The following LPP variants were observed in gnomAD, a reference collection of about 807,000 sequenced individuals.
LPP encodes the protein LIM domain containing preferred translocation partner in lipoma.
In LPP, 38 loss-of-function variants were observed where a neutral mutation model predicts 60.4. The ratio of observed to expected loss-of-function variants is 0.63; its 90% confidence interval spans 0.49 to 0.83. The LOEUF is 0.83. Among genes scored for constraint, LPP ranks in the 40% least tolerant of loss-of-function variants. LPP has a pLI of 0.00. For synonymous variants in LPP, 328 were observed against 290.8 expected (o/e 1.13, Z -1.30); for missense variants, 902 against 783.6 (o/e 1.15, Z -1.80).
At chr3:188,793,444 A>G (rs556733340) in intron 9 of LPP, among the ~76,000 whole-genome samples, 22 of 151,980 alleles carry the variant, frequency 1.4e-4, no homozygotes, top group Non-Finnish European at 2.6e-4. Context: ...AGCCTCCCAA[A>G]CTGCTGGGAT....
intron 1 of LPP, among the ~76,000 whole-genome samples, chr3:188,211,951 C>T (rs1285648932): frequency 1.3e-5 from 2 of 152,088 alleles, no homozygotes; most frequent in Non-Finnish European, 2.9e-5. Flanking sequence ...CTCCGCCTCC[C>T]GGGTTCAAGT....
chr3:188,317,635 C>G (rs1173447403), intron 2 of LPP, among the ~76,000 whole-genome samples: 1 of 152,160 alleles, frequency 6.6e-6, no homozygotes, highest in Non-Finnish European at 1.5e-5. Context: ...TCTTAGCCTG[C>G]TAAAGTTATA....
At chr3:188,189,229 A>G (rs545702869) in intron 1 of LPP, among the ~76,000 whole-genome samples, 23 of 152,278 alleles carry the variant, frequency 1.5e-4, no homozygotes, top group Non-Finnish European at 2.8e-4. Flanking sequence ...TGAGACTACA[A>G]GCATGTGCCA....
intron 7 of LPP, among the ~76,000 whole-genome samples, chr3:188,689,871 T>C (rs2149458806): frequency 6.6e-6 from 1 of 152,288 alleles, no homozygotes; most frequent in East Asian, 1.9e-4. Context: ...ATATTAGTAA[T>C]TTTTGTCCCA....
chr3:188,849,444 A>G (rs1324451528), intron 9 of LPP, among the ~76,000 whole-genome samples: 1 of 152,194 alleles, frequency 6.6e-6, no homozygotes, highest in Non-Finnish European at 1.5e-5. Context: ...TGTTTTTTCT[A>G]TACCACAGAT....
chr3:188,441,609 C>CTTTCTTTTTTTTTTTTTTTTTTTTTTT (rs1793886236), intron 4 of LPP, among the ~76,000 whole-genome samples: 9 of 55,672 alleles, frequency 1.6e-4, no homozygotes, highest in Middle Eastern at 9.6e-3. Context: ...CTTTTCTTTT[C>CTTTCTTTTTTTTTTTTTTTTTTTTTTT]TTTTTTTTTT....
At chr3:188,198,022 A>G (rs1402348521) in intron 1 of LPP, among the ~76,000 whole-genome samples, 2 of 152,188 alleles carry the variant, frequency 1.3e-5, no homozygotes, top group African/African-American at 2.4e-5. Context: ...GTAAAACCTC[A>G]TTCGTATACC....
At position 188,664,617 on chromosome 3, in the gene LPP, CTGTG is replaced by C. The variant is rs750223155; in HGVS notation, c.1114-43633_1114-43630del. 3.7e-4 allele frequency among the ~76,000 whole-genome samples: 55 copies of C among 147,258 alleles called. 1 individual carries two copies. The Middle Eastern group carries it at 0.01, about 28-fold the overall frequency. On this transcript the variant is annotated intron_variant, in intron 7 of 11. Transcript: ENST00000617246. ...TATATGTGTATGTGTGTGTGTGTGTCTGTGTGTGTGTGTGTGTGTGGAGAGAGAG... is the reference window on the plus strand; with the variant it reads ...TATATGTGTATGTGTGTGTGTGTGTCTGTGTGTGTGTGTGTGGAGAGAGAG...
At chr3:188,517,859 GA>G (rs1441975290) in intron 5 of LPP, among the ~76,000 whole-genome samples, 1 of 152,130 alleles carries the variant, frequency 6.6e-6, no homozygotes, top group African/African-American at 2.4e-5. Flanking sequence ...TTTGGATAGG[GA>G]CACAGAGCAA....
chr3:188,242,292 CCT>C (rs1725237824), intron 2 of LPP, among the ~76,000 whole-genome samples: 1 of 151,938 alleles, frequency 6.6e-6, no homozygotes, highest in East Asian at 1.9e-4. Context: ...TGCTTTTTAT[CCT>C]CTCCATCCTC....
chr3:188,363,227 G>T (rs937468993), intron 3 of LPP, among the ~76,000 whole-genome samples: 2 of 151,840 alleles, frequency 1.3e-5, no homozygotes, highest in African/African-American at 4.8e-5. Context: ...TCCACGCCCG[G>T]TTTTTTGCTA....
At chr3:188,415,109 G>C (rs1365076494) in intron 4 of LPP, among the ~76,000 whole-genome samples, 1 of 152,076 alleles carries the variant, frequency 6.6e-6, no homozygotes, top group Non-Finnish European at 1.5e-5. Flanking sequence ...GATTTGTGTG[G>C]TGAGATACAT....
At chr3:188,751,682 C>T (rs1286991945) in intron 8 of LPP, among the ~76,000 whole-genome samples, 1 of 152,160 alleles carries the variant, frequency 6.6e-6, no homozygotes, top group Non-Finnish European at 1.5e-5. Context: ...ATATTTAACT[C>T]TGTGGTTGTG....
chr3:188,451,888 A>G (rs1320525237), intron 4 of LPP, among the ~76,000 whole-genome samples: 2 of 152,230 alleles, frequency 1.3e-5, no homozygotes, highest in African/African-American at 4.8e-5. Context: ...CATTTATTCA[A>G]CATATTTTTA....
At chr3:188,267,333 G>C (rs769411275) in intron 2 of LPP, among the ~76,000 whole-genome samples, 1 of 152,134 alleles carries the variant, frequency 6.6e-6, no homozygotes, top group Non-Finnish European at 1.5e-5. Context: ...CTTTTTCTGA[G>C]GAATCTCTGT....
intron 7 of LPP, among the ~76,000 whole-genome samples, chr3:188,664,241 C>T (rs1855260251): frequency 6.6e-6 from 1 of 151,992 alleles, no homozygotes. Flanking sequence ...TAGTCTTTTC[C>T]TTCATATTAA....
chr3:188,450,247 C>T (rs964073895), intron 4 of LPP, among the ~76,000 whole-genome samples: 4 of 152,098 alleles, frequency 2.6e-5, no homozygotes, highest in Admixed American at 2.0e-4. Flanking sequence ...CATACTTTTA[C>T]AAATGATACA....
At position 188,609,665 on chromosome 3, in the gene LPP, G is replaced by T. The variant is rs746288829; in HGVS notation, c.934G>T (p.Asp312Tyr). Residue 312 changes from aspartate to tyrosine, a missense_variant, in exon 7 of 12, where the codon GAC (aspartate) becomes TAC (tyrosine). Coordinates refer to ENST00000617246, the MANE Select transcript of LPP (RefSeq NM_001375462.1). The surrounding 1 kb of genome is among the most constrained non-coding windows in gnomAD (Gnocchi z 6.9). ...AGGGCCAGGCTATGGGGGCAGAAAT[G>T]ACTCTGACCCTACCTATGGTCAACA... ...AAGPGYGGRN[D>Y]SDPTYGQQGH... The T allele has an allele frequency of 3.7e-6, 6 of 1,614,122 alleles. No individual in the cohort carries two copies. In the South Asian group the frequency reaches 6.6e-5, roughly 18 times the overall value.
chr3:188,560,014 GC>G (rs1316481455), intron 6 of LPP, among the ~76,000 whole-genome samples: 1 of 152,074 alleles, frequency 6.6e-6, no homozygotes. Flanking sequence ...GGCATCTGGG[GC>G]CTCAATTCTG....
Sources: allele counts gnomAD v4.1 joint callset (sites outside exome capture counted in the v4.1 genomes callset), GRCh38; gene constraint gnomAD v4.1.1; non-coding constraint Gnocchi (gnomAD v3.1); transcripts MANE v1.5; gene names NCBI Gene and HGNC (gene_info 2026-07-23, HGNC 2026-07-21).